Variants in TMEM63C observed in about 807,000 individuals in gnomAD.
TMEM63C encodes the protein osmosensitive cation channel TMEM63C.
TMEM63C carries 32 observed loss-of-function variants against 99.2 expected under a neutral mutation model. That is an observed-to-expected ratio of 0.32 (90% confidence interval 0.24 to 0.43). The LOEUF (loss-of-function observed/expected upper bound fraction) is 0.43, where lower values mean the gene tolerates loss of function less well. TMEM63C is among the 20% of genes least tolerant of loss of function. The pLI, the probability that TMEM63C is intolerant of heterozygous loss-of-function variation, is 1.00. For synonymous variants in TMEM63C, 376 were observed against 397.9 expected (o/e 0.94, Z 0.66); for missense variants, 826 against 1,053.0 (o/e 0.78, Z 2.98).
intron 14 of TMEM63C, among the ~76,000 whole-genome samples, 162 bp downstream of exon 14, chr14:77,242,631 C>A (rs572536670): frequency 9.8e-5 from 15 of 152,370 alleles, no homozygotes; most frequent in African/African-American, 2.9e-4. Context: ...TGCCCAGACT[C>A]ATTCCCACAA....
intron 1 of TMEM63C, among the ~76,000 whole-genome samples, chr14:77,206,891 AT>A (rs201045183): frequency 0.078 from 10,024 of 127,942 alleles, 361 homozygotes; most frequent in African/African-American, 0.2. Flanking sequence ...TTTTTCTTTT[AT>A]TTTTTTTTAG....
At chr14:77,233,664 T>C (rs420661) in intron 8 of TMEM63C, among the ~76,000 whole-genome samples, 164 bp downstream of exon 8, 9,741 of 151,892 alleles carry the variant, frequency 0.064, 398 homozygotes, top group Admixed American at 0.1. Flanking sequence ...TGCATCCTCT[T>C]GGTGGGGCAG....
intron 1 of TMEM63C, chr14:77,201,000 G>A (rs1371629931): frequency 1.3e-5 from 1 of 74,262 alleles, no homozygotes. Context: ...TTTTTTTTTT[G>A]GTAACAGTTT....
In TMEM63C at chr14:77,259,321, AC is replaced by A. The variant is rs1889540581; in HGVS notation, c.*2596del. The A allele has an allele frequency of 6.6e-6, 1 of 152,478 alleles. No individual in the cohort carries two copies. Among genetic ancestry groups the A allele is most frequent in the Non-Finnish European group, 1.5e-5 (1 of 68,226 alleles). The allele number at this position is 152,478 out of a possible 1,614,324, so 9.4% of individuals were successfully genotyped here. On this transcript the variant is annotated 3_prime_UTR_variant, in exon 24 of 24. Transcript: ENST00000298351. ...CCCATGCCCACCTGCCTGACCCTCCACTGCCCCTGGAAGCAAAGTGCCTATC... is the reference window on the plus strand; with the variant it reads ...CCCATGCCCACCTGCCTGACCCTCCATGCCCCTGGAAGCAAAGTGCCTATC...
At chr14:77,221,967 AC>A (rs1013777098) in intron 5 of TMEM63C, among the ~76,000 whole-genome samples, 4 of 151,196 alleles carry the variant, frequency 2.6e-5, no homozygotes, top group Admixed American at 2.6e-4. Context: ...TCTCCTCCAC[AC>A]CGGGAGTCCC....
chr14:77,248,441 T>C lies in TMEM63C; in HGVS notation c.1696T>C (p.Ser566Pro), dbSNP rs1419791387. The C allele has an allele frequency of 2.5e-6, 4 of 1,583,350 alleles. No individual in the cohort carries two copies. Among genetic ancestry groups the C allele is most frequent in the Non-Finnish European group, 3.4e-6 (4 of 1,165,238 alleles). ...GTGMELLRLG[S>P]LFCYSTRLFF... is the part of the protein sequence containing the mutation. ...AGGCATGGAGCTGCTGCGTCTGGGG[T>C]CACTCTTCTGCTACAGCACCCGCCT... is the stretch of plus-strand genomic sequence containing the variant. The change falls in exon 19 of 24, where the codon TCA (serine) becomes CCA (proline). Residue 566 changes from serine to proline, a missense_variant. Physicochemically the swap from Ser to Pro is moderately conservative, Grantham distance 74. Transcript: ENST00000298351.
chr14:77,253,221 A>C, intron 22 of TMEM63C, 84 bp from the exon 23 acceptor site: 2 of 1,244,282 alleles, frequency 1.6e-6, no homozygotes, highest in Non-Finnish European at 2.3e-6. Context: ...TGAGAAGCCC[A>C]GGTGTGGAGT....
chr14:77,224,285 G>A (rs889286143), intron 5 of TMEM63C, among the ~76,000 whole-genome samples: 18 of 151,984 alleles, frequency 1.2e-4, no homozygotes, highest in Non-Finnish European at 2.4e-4. Flanking sequence ...TGCTCCCCTC[G>A]GCATAAGGCC....
intron 1 of TMEM63C, among the ~76,000 whole-genome samples, chr14:77,198,884 C>T (rs921514315): frequency 4.6e-5 from 7 of 152,084 alleles, no homozygotes; most frequent in Non-Finnish European, 8.8e-5. Flanking sequence ...TGCTGGTTCC[C>T]GCAAGGTGGT....
intron 3 of TMEM63C, 114 bp downstream of exon 3, chr14:77,219,077 C>CA: frequency 2.4e-6 from 3 of 1,225,114 alleles, no homozygotes; most frequent in South Asian, 1.8e-5. Flanking sequence ...AACATTGATA[C>CA]AAACTGCCTG....
chr14:77,249,701 G>A (rs139935898), intron 21 of TMEM63C, among the ~76,000 whole-genome samples: 232 of 152,330 alleles, frequency 1.5e-3, no homozygotes, highest in African/African-American at 5.2e-3. Context: ...GGTTTCCAGC[G>A]CTCAGGGAAG....
intron 5 of TMEM63C, among the ~76,000 whole-genome samples, chr14:77,223,336 G>A (rs1888758805): frequency 6.7e-6 from 1 of 149,784 alleles, no homozygotes; most frequent in Non-Finnish European, 1.5e-5. Flanking sequence ...AGAGAGTTCA[G>A]TGAGGTGGCC....
intron 2 of TMEM63C, among the ~76,000 whole-genome samples, chr14:77,218,065 A>C: frequency 6.6e-6 from 1 of 152,206 alleles, no homozygotes; most frequent in South Asian, 2.1e-4. Context: ...GTACACCTTA[A>C]AACAACTGAA....
intron 21 of TMEM63C, among the ~76,000 whole-genome samples, chr14:77,251,158 A>C (rs1212948085): frequency 1.3e-5 from 2 of 152,222 alleles, no homozygotes; most frequent in African/African-American, 2.4e-5. Context: ...GGTTGCATGA[A>C]AGTCTACCAG....
In TMEM63C at chr14:77,254,147, C is replaced by T. The variant is rs144617520; in HGVS notation, c.2220+771C>T. 3.2e-3 allele frequency among the ~76,000 whole-genome samples: 492 copies of T among 152,270 alleles called. 1 individual carries two copies. The highest frequency in any genetic ancestry group is 0.024 in the Middle Eastern group (7 of 294). ...GTGCCAGGTGAAGTAGGGTGTGGGG[C>T]AAGAGTTTTCAAGGAAGAGGAGCAG... On this transcript the variant is annotated intron_variant, in intron 23 of 23. Coordinates refer to ENST00000298351, the MANE Select transcript of TMEM63C (RefSeq NM_020431.4).
At chr14:77,217,894 T>C (rs1462469858) in intron 2 of TMEM63C, among the ~76,000 whole-genome samples, 1 of 152,076 alleles carries the variant, frequency 6.6e-6, no homozygotes, top group East Asian at 1.9e-4. Context: ...TTAAAACAAT[T>C]GAACTCATGG....
intron 19 of TMEM63C, 31 bp downstream of exon 19, chr14:77,248,540 C>G: frequency 6.4e-7 from 1 of 1,562,848 alleles, no homozygotes; most frequent in East Asian, 2.4e-5. Context: ...GAGCACAGCC[C>G]TCAGTTTCCT....
In TMEM63C at chr14:77,249,315, A is replaced by T; in HGVS notation, c.1895A>T (p.His632Leu). The change falls in exon 21 of 24, where the codon CAC (histidine) becomes CTC (leucine). Residue 632 changes from histidine to leucine, a missense_variant. Transcript: ENST00000298351. ...PFGLLYLCMKHLTDRYNMYYS... is the reference protein window; with the variant it reads ...PFGLLYLCMKLLTDRYNMYYS... ...GGGTTGCTCTACCTGTGCATGAAGCACTTGACGGATCGCTATAACATGTAC... is the reference window on the plus strand; with the variant it reads ...GGGTTGCTCTACCTGTGCATGAAGCTCTTGACGGATCGCTATAACATGTAC... 1 of 1,614,006 alleles carries T rather than the reference A, an allele frequency of 6.2e-7. No homozygotes were observed. Among genetic ancestry groups the T allele is most frequent in the African/African-American group, 1.3e-5 (1 of 75,044 alleles).
At chr14:77,219,896 C>T (rs527366612) in intron 4 of TMEM63C, 110 bp from the exon 5 acceptor site, 23 of 1,017,232 alleles carry the variant, frequency 2.3e-5, no homozygotes, top group African/African-American at 8.0e-5. Context: ...AGCGCCTGCC[C>T]GTGGCAGAGC....
Sources: allele counts gnomAD v4.1 joint callset (sites outside exome capture counted in the v4.1 genomes callset), GRCh38; gene constraint gnomAD v4.1.1; transcripts MANE v1.5; gene names NCBI Gene and HGNC (gene_info 2026-07-23, HGNC 2026-07-21).